The following ANKH variants were observed in gnomAD, a reference collection of about 807,000 sequenced individuals.
The protein encoded by ANKH is mineralization regulator ANKH.
ANKH carries 15 observed loss-of-function variants against 49.0 expected under a neutral mutation model. The ratio of observed to expected loss-of-function variants is 0.31; its 90% CI spans 0.20 to 0.47. The LOEUF (loss-of-function observed/expected upper bound fraction) is 0.47. Ranked by LOEUF, ANKH falls within the 20% of genes least tolerant of loss-of-function variation. The pLI is 1.00. For synonymous variants in ANKH, 273 were observed against 260.0 expected, an observed-to-expected ratio of 1.05 and a Z score of -0.48; for missense variants, 429 against 652.0, an observed-to-expected ratio of 0.66 and a Z score of 3.72.
chr5:14,752,768 G>A (rs1738761552), intron 4 of ANKH, among the ~76,000 whole-genome samples: 1 of 152,196 alleles, frequency 6.6e-6, no homozygotes, highest in African/African-American at 2.4e-5. Flanking sequence ...CAGGAAAGCT[G>A]CCTGCTGCGT....
At chr5:14,840,125 TA>T (rs1201981564) in intron 1 of ANKH, among the ~76,000 whole-genome samples, 1 of 152,218 alleles carries the variant, frequency 6.6e-6, no homozygotes, top group Non-Finnish European at 1.5e-5. Flanking sequence ...GGATGGAAGA[TA>T]ACATTTGCTC....
intron 1 of ANKH, among the ~76,000 whole-genome samples, chr5:14,784,547 A>G (rs1475166545): frequency 6.6e-6 from 1 of 152,196 alleles, no homozygotes; most frequent in Non-Finnish European, 1.5e-5. Context: ...AGAAGTGGTT[A>G]TTTTAAAGTC....
intron 1 of ANKH, among the ~76,000 whole-genome samples, chr5:14,794,328 T>C (rs886271175): frequency 1.3e-5 from 2 of 152,214 alleles, no homozygotes; most frequent in African/African-American, 2.4e-5. Context: ...GAATCCATGA[T>C]GTAACTATAG....
chr5:14,807,671 A>G (rs1185906556), intron 1 of ANKH, among the ~76,000 whole-genome samples: 2 of 152,196 alleles, frequency 1.3e-5, no homozygotes, highest in Admixed American at 1.3e-4. Flanking sequence ...ATGTCAGCAA[A>G]GTGGCAAATA....
chr5:14,713,085 G>GAGAACGCCGCTGGT lies in ANKH; in HGVS notation c.1266-113_1266-112insACCAGCGGCGTTCT. The GAGAACGCCGCTGGT allele has an allele frequency of 9.4e-7, 1 of 1,060,334 alleles. No homozygotes were observed. Among genetic ancestry groups the GAGAACGCCGCTGGT allele is most frequent in the Non-Finnish European group, 1.4e-6 (1 of 709,832 alleles). 65.7% of individuals were successfully genotyped at this position (1,060,334 alleles called of 1,614,324 possible). A position where few individuals can be genotyped will look rare whatever the true frequency, so the allele number is the denominator to read the frequency against. On this transcript the variant is annotated intron_variant, in intron 10 of 11. Coordinates refer to ENST00000284268, the MANE Select transcript of ANKH (RefSeq NM_054027.6). The surrounding 1 kb of genome is among the most constrained non-coding windows in gnomAD (Gnocchi z 4.4). ...AGCCTCGAGACGGCTGAGACCAGCG[G>GAGAACGCCGCTGGT]CGTTCTCCATCTGCTGGCTTCGTAA...
chr5:14,807,855 G>A (rs1201959878), intron 1 of ANKH, among the ~76,000 whole-genome samples: 1 of 152,110 alleles, frequency 6.6e-6, no homozygotes, highest in Non-Finnish European at 1.5e-5. Context: ...GAGGTCGGGG[G>A]GGTTACTTGA....
chr5:14,712,234 C>G (rs1737244066), intron 11 of ANKH, among the ~76,000 whole-genome samples: 2 of 152,194 alleles, frequency 1.3e-5, no homozygotes, highest in South Asian at 4.2e-4. Context: ...TGAGCAGGCT[C>G]TCTGAGTGGC....
chr5:14,718,838 C>CG (rs1554000294), intron 8 of ANKH, among the ~76,000 whole-genome samples: 13 of 141,028 alleles, frequency 9.2e-5, no homozygotes, highest in African/African-American at 2.5e-4. Context: ...CACCCCCCCC[C>CG]CAAAAAAAAA....
At chr5:14,712,846 G>A in intron 11 of ANKH, 28 bp downstream of exon 11, 1 of 1,577,894 alleles carries the variant, frequency 6.3e-7, no homozygotes, top group Non-Finnish European at 8.6e-7. Context: ...ATGCACCCGG[G>A]AGGAGGCTCC....
At chr5:14,712,744 G>A (rs972654939) in intron 11 of ANKH, 130 bp downstream of exon 11, 49 of 920,232 alleles carry the variant, frequency 5.3e-5, no homozygotes, top group East Asian at 5.1e-4. Context: ...CCTAAGCCAC[G>A]AGACTGGGCA....
chr5:14,802,287 G>C (rs780120424), intron 1 of ANKH, among the ~76,000 whole-genome samples: 1 of 151,212 alleles, frequency 6.6e-6, no homozygotes, highest in Non-Finnish European at 1.5e-5. Context: ...CATTATCTCT[G>C]ATGCTTCTCT....
chr5:14,760,245 G>A (rs60368667), intron 2 of ANKH, among the ~76,000 whole-genome samples: 3,716 of 152,262 alleles, frequency 0.024, 130 homozygotes, highest in African/African-American at 0.079. Context: ...AGAGACCTGG[G>A]AAGATGGGAT....
At chr5:14,763,451 G>A (rs890499439) in intron 2 of ANKH, among the ~76,000 whole-genome samples, 5 of 152,230 alleles carry the variant, frequency 3.3e-5, no homozygotes, top group African/African-American at 1.2e-4. Context: ...GAAGAGGACA[G>A]TTTCCTGCAT....
At chr5:14,723,423 A>C (rs1737730455) in intron 8 of ANKH, among the ~76,000 whole-genome samples, 1 of 151,872 alleles carries the variant, frequency 6.6e-6, no homozygotes, top group Non-Finnish European at 1.5e-5. Flanking sequence ...GCACTTTGGG[A>C]AGTCAAGGTG....
Position 14,805,397 on chromosome 5 carries a change from C to CGTGT in ANKH, c.97-36210_97-36207dup, listed in dbSNP as rs77663812. On this transcript the variant is annotated intron_variant, in intron 1 of 11. Transcript: ENST00000284268. ...ATATATGTGTGTATGTGTATATATA[C>CGTGT]GTGTGTGTGTGTGTGTGTGTGTATC... 9.8e-3 allele frequency among the ~76,000 whole-genome samples: 1,306 copies of CGTGT among 133,184 alleles called. 32 individuals carry two copies. The highest frequency in any genetic ancestry group is 0.035 in the African/African-American group (1,240 of 35,376). The allele number at this position is 133,184 out of a possible 152,430, so 87.4% of individuals were successfully genotyped here. A position where few individuals can be genotyped will look rare whatever the true frequency, so the allele number is the denominator to read the frequency against.
At chr5:14,794,456 T>G (rs1262604370) in intron 1 of ANKH, among the ~76,000 whole-genome samples, 1 of 152,234 alleles carries the variant, frequency 6.6e-6, no homozygotes. Flanking sequence ...GGATGTTCCA[T>G]TGAATGCCTC....
intron 1 of ANKH, among the ~76,000 whole-genome samples, chr5:14,827,951 A>G (rs962274804): frequency 3.9e-5 from 6 of 152,230 alleles, no homozygotes; most frequent in Non-Finnish European, 8.8e-5. Context: ...TTGGATAAAG[A>G]AGAGTATTTG....
chr5:14,758,005 C>A (rs1434896591), intron 3 of ANKH, among the ~76,000 whole-genome samples: 1 of 152,156 alleles, frequency 6.6e-6, no homozygotes, highest in Non-Finnish European at 1.5e-5. Context: ...TCACAAGAAC[C>A]CAAAGGTGGA....
rs148228793 is a variant in ANKH at position 14,716,805 on chromosome 5, C to T, written c.1042G>A (p.Val348Met). The change falls in exon 9 of 12, where the codon GTG (valine) becomes ATG (methionine). Residue 348 changes from valine to methionine, a missense_variant. Physicochemically the swap from Val to Met is conservative, Grantham distance 21 (BLOSUM62 1). This residue lies in a region of ANKH where 378 missense variants were observed against 615.3 expected (regional missense o/e 0.61). Coordinates refer to ENST00000284268, the MANE Select transcript of ANKH (RefSeq NM_054027.6). Reference sequence around the variant, plus strand: ...ATGTCTATCAAGATTTTCTCAGACACGTTGGGTGTCCAAAACATCACGAAA... The same window carrying T: ...ATGTCTATCAAGATTTTCTCAGACATGTTGGGTGTCCAAAACATCACGAAA... ...LCFVMFWTPN[V>M]SEKILIDIIG... 236 of 1,613,958 alleles carry T rather than the reference C, an allele frequency of 1.5e-4. 1 individual carries two copies. Among genetic ancestry groups the T allele is most frequent in the Non-Finnish European group, 9.2e-5 (108 of 1,179,964 alleles).
Sources: gnomAD v4.1 joint callset for allele counts (sites outside exome capture counted in the v4.1 genomes callset) on GRCh38, gnomAD v4.1.1 for gene constraint, gnomAD v4.1.1 regional missense constraint, Gnocchi (gnomAD v3.1) non-coding constraint, MANE v1.5 for transcripts, NCBI Gene and HGNC (gene_info 2026-07-23, HGNC 2026-07-21) for gene names.